The following TMEM38B variants were observed in gnomAD, a reference collection of about 807,000 sequenced individuals.
TMEM38B encodes trimeric intracellular cation channel type B.
In TMEM38B, 24 loss-of-function variants were observed where a neutral mutation model predicts 28.7. That is an observed-to-expected ratio of 0.84 (90% CI 0.61 to 1.18). The LOEUF (loss-of-function observed/expected upper bound fraction) is 1.18. Ranked by LOEUF, TMEM38B falls within the 50% of genes most tolerant of loss-of-function variation. The pLI is 0.00. For missense variants in TMEM38B, 380 were observed against 350.9 expected, an observed-to-expected ratio of 1.08 and a Z score of -0.66; for synonymous variants, 131 against 127.7, an observed-to-expected ratio of 1.03 and a Z score of -0.17.
intron 4 of TMEM38B, among the ~76,000 whole-genome samples, chr9:105,732,878 G>T (rs757626611): frequency 2.6e-5 from 4 of 152,206 alleles, no homozygotes; most frequent in Middle Eastern, 3.4e-3. Flanking sequence ...GGATGACACT[G>T]AATCTATAAA....
chr9:105,724,469 A>G lies in TMEM38B; in HGVS notation c.542+1848A>G, dbSNP rs138479292. Among the ~76,000 whole-genome samples, 1,191 of 152,170 alleles carry G rather than the reference A, an allele frequency of 7.8e-3. 8 individuals are homozygous for G. Among genetic ancestry groups the G allele is most frequent in the African/African-American group, 0.027 (1,113 of 41,502 alleles). ...GAAACCCCGTCTCTACTAAAAATACAAAAACTAACTGGGCGTGATGGCATA... is the reference window on the plus strand; with the variant it reads ...GAAACCCCGTCTCTACTAAAAATACGAAAACTAACTGGGCGTGATGGCATA... On this transcript the variant is annotated intron_variant, in intron 4 of 5. Transcript: ENST00000374692.
At chr9:105,758,993 C>T in intron 5 of TMEM38B, 2 of 1,042,794 alleles carry the variant, frequency 1.9e-6, no homozygotes, top group Non-Finnish European at 3.0e-6. Context: ...ATATAATGTA[C>T]AACATGGCCA....
intron 4 of TMEM38B, among the ~76,000 whole-genome samples, chr9:105,742,834 A>C (rs1477558630): frequency 2.6e-5 from 4 of 152,164 alleles, no homozygotes; most frequent in Non-Finnish European, 4.4e-5. Context: ...TTTTTATCTT[A>C]TCCTTTTAAA....
chr9:105,760,006 C>T (rs144894008), intron 5 of TMEM38B: 6 of 1,469,656 alleles, frequency 4.1e-6, no homozygotes, highest in Non-Finnish European at 5.6e-6. Context: ...CAATAAAAGA[C>T]TCTGCAAAAG....
intron 4 of TMEM38B, among the ~76,000 whole-genome samples, chr9:105,740,165 G>C (rs1038129757): frequency 3.9e-4 from 59 of 152,026 alleles, no homozygotes; most frequent in South Asian, 6.3e-4. Flanking sequence ...TTACAGGTGT[G>C]AGCCACCACT....
intron 5 of TMEM38B, among the ~76,000 whole-genome samples, chr9:105,748,882 G>T (rs10512340): frequency 2.0e-4 from 30 of 152,032 alleles, no homozygotes; most frequent in South Asian, 4.1e-4. Flanking sequence ...TTCCCTATTC[G>T]CAAGTAGACA....
chr9:105,733,419 T>TTA (rs1384647458), intron 4 of TMEM38B, among the ~76,000 whole-genome samples: 139 of 140,870 alleles, frequency 9.9e-4, no homozygotes, highest in African/African-American at 3.8e-3. Flanking sequence ...GTTTTCTTTT[T>TTA]TCTTTTTTTT....
intron 2 of TMEM38B, 149 bp downstream of exon 2, chr9:105,705,902 GTTTTT>G: frequency 6.1e-6 from 3 of 493,714 alleles, no homozygotes; most frequent in East Asian, 4.1e-5. Context: ...ATGCTAAGGG[GTTTTT>G]TTTTTTTTTT....
chr9:105,766,533 T>C (rs1826378867), intron 5 of TMEM38B, among the ~76,000 whole-genome samples: 1 of 152,134 alleles, frequency 6.6e-6, no homozygotes, highest in African/African-American at 2.4e-5. Flanking sequence ...CAAATAATTT[T>C]CTCCCAGTTT....
chr9:105,722,672 A>G, intron 4 of TMEM38B, 51 bp downstream of exon 4: 3 of 1,465,822 alleles, frequency 2.0e-6, no homozygotes, highest in Non-Finnish European at 2.8e-6. Flanking sequence ...CTTAGATCTT[A>G]CCAAATTCCT....
intron 4 of TMEM38B, among the ~76,000 whole-genome samples, chr9:105,735,025 C>T (rs1005669747): frequency 1.3e-4 from 19 of 151,524 alleles, no homozygotes; most frequent in Admixed American, 1.2e-3. Flanking sequence ...TGTTGTTTAC[C>T]TAGCTTTATT....
intron 4 of TMEM38B, among the ~76,000 whole-genome samples, chr9:105,729,415 T>A (rs1836646981): frequency 6.6e-6 from 1 of 152,088 alleles, no homozygotes; most frequent in Admixed American, 6.6e-5. Flanking sequence ...ATCTCTAAGG[T>A]CTCTGTTCTG....
chr9:105,752,096 G>A (rs370573726), intron 5 of TMEM38B, among the ~76,000 whole-genome samples: 2 of 151,962 alleles, frequency 1.3e-5, no homozygotes, highest in African/African-American at 4.8e-5. Context: ...TTTTTAAGCC[G>A]GGCCATGATC....
chr9:105,757,811 A>G (rs1018794373), intron 5 of TMEM38B, among the ~76,000 whole-genome samples: 8 of 152,354 alleles, frequency 5.3e-5, no homozygotes, highest in Middle Eastern at 3.4e-3. Context: ...ATTGTAATCA[A>G]TTGAGGTGAA....
At chr9:105,767,541 T>A (rs1416463479) in intron 5 of TMEM38B, among the ~76,000 whole-genome samples, 1 of 152,226 alleles carries the variant, frequency 6.6e-6, no homozygotes, top group Non-Finnish European at 1.5e-5. Context: ...AAATCAGATC[T>A]TAAAAAGATT....
rs1238601451 is a variant in TMEM38B at position 105,733,414 on chromosome 9, C to CTTTT, written c.542+10796_542+10799dup. On this transcript the variant is annotated intron_variant, in intron 4 of 5. Transcript: ENST00000374692. ...ATGAGAGATATTGGCTTGCAGTTTTCTTTTTTCTTTTTTTTTTTTTTTGCG... is the reference window on the plus strand; with the variant it reads ...ATGAGAGATATTGGCTTGCAGTTTTCTTTTTTTTTTCTTTTTTTTTTTTTTTGCG... Among the ~76,000 whole-genome samples, 83 of 123,786 alleles carry CTTTT rather than the reference C, an allele frequency of 6.7e-4. 1 individual carries two copies. The highest frequency in any genetic ancestry group is 2.9e-3 in the African/African-American group (81 of 27,640). The allele number at this position is 123,786 out of a possible 152,430, so 81.2% of individuals were successfully genotyped here. A position where few individuals can be genotyped will look rare whatever the true frequency, so the allele number is the denominator to read the frequency against.
chr9:105,758,797 A>C, intron 5 of TMEM38B: 1 of 862,724 alleles, frequency 1.2e-6, no homozygotes, highest in Non-Finnish European at 2.0e-6. Flanking sequence ...TTATCTCAGG[A>C]AAATTCCGAG....
chr9:105,728,686 A>G (rs932544231), intron 4 of TMEM38B, among the ~76,000 whole-genome samples: 1 of 152,176 alleles, frequency 6.6e-6, no homozygotes, highest in Admixed American at 6.5e-5. Context: ...TGGTTGAACT[A>G]ATTTACACTC....
intron 5 of TMEM38B, among the ~76,000 whole-genome samples, chr9:105,761,315 T>C (rs1838039812): frequency 6.6e-6 from 1 of 152,166 alleles, no homozygotes; most frequent in Non-Finnish European, 1.5e-5. Flanking sequence ...TTTTATCAGA[T>C]TTGGTTTTGC....
Sources: gnomAD v4.1 joint callset for allele counts (sites outside exome capture counted in the v4.1 genomes callset) on GRCh38, gnomAD v4.1.1 for gene constraint, MANE v1.5 for transcripts, NCBI Gene and HGNC (gene_info 2026-07-23, HGNC 2026-07-21) for gene names.